The following SUPT7L variants were observed in gnomAD, a reference collection of about 807,000 sequenced individuals.
The protein encoded by SUPT7L is STAGA complex 65 subunit gamma.
SUPT7L carries 15 observed loss-of-function variants against 35.7 expected under a neutral mutation model. That is an observed-to-expected ratio of 0.42 (90% CI 0.28 to 0.65). The LOEUF (loss-of-function observed/expected upper bound fraction) is 0.65. Among genes scored for constraint, SUPT7L ranks in the 30% least tolerant of loss-of-function variants. SUPT7L has a pLI of 0.23. For missense variants in SUPT7L, 434 were observed against 522.2 expected (o/e 0.83, Z 1.65); for synonymous variants, 168 against 186.2 (o/e 0.90, Z 0.79).
chr2:27,657,262 C>T lies in SUPT7L; in HGVS notation c.744+83G>A, dbSNP rs908236414. 4 of 1,466,876 alleles carry T rather than the reference C, an allele frequency of 2.7e-6. No homozygotes were observed. The highest frequency in any genetic ancestry group is 3.7e-6 in the Non-Finnish European group (4 of 1,075,740). 90.9% of individuals were successfully genotyped at this position (1,466,876 alleles called of 1,614,324 possible). On this transcript the variant is annotated intron_variant, in intron 4 of 5. Coordinates refer to ENST00000337768, the MANE Select transcript of SUPT7L (RefSeq NM_014860.3). This position sits in a 1 kb window ranked among gnomAD's most constrained non-coding sequence, Gnocchi z 5.2. The stretch of plus-strand genomic sequence containing the variant: ...GTTCCAAGACTCTGTGCTCTGCACT[C>T]TAGACCAAGTGTTGTGGGATCCTGC...
chr2:27,657,740 G>T lies in SUPT7L; in HGVS notation c.420-71C>A. The T allele has an allele frequency of 3.5e-6, 5 of 1,418,174 alleles. No individual in the cohort carries two copies. Among genetic ancestry groups the T allele is most frequent in the East Asian group, 2.4e-5 (1 of 40,820 alleles). The allele number at this position is 1,418,174 out of a possible 1,614,324, so 87.8% of individuals were successfully genotyped here. A position where few individuals can be genotyped will look rare whatever the true frequency, so the allele number is the denominator to read the frequency against. ...GTGACCCCTCCTGTCTTCCCCAGGA[G>T]TTTTACAATTCCAGTCAAGCCACTG... On this transcript the variant is annotated intron_variant, in intron 3 of 5. Transcript: ENST00000337768. This position sits in a 1 kb window ranked among gnomAD's most constrained non-coding sequence, Gnocchi z 5.2.
chr2:27,642,958 TACACACACACAC>T, the SUPT7L span, among the ~76,000 whole-genome samples: 4 of 122,610 alleles, frequency 3.3e-5, no homozygotes, highest in South Asian at 2.8e-4. Flanking sequence ...TATATATATA[TACACACACACAC>T]ACACACACAC....
downstream of SUPT7L, chr2:27,647,996 A>G: frequency 3.0e-6 from 3 of 986,748 alleles, no homozygotes; most frequent in East Asian, 2.4e-5. Flanking sequence ...TTATCCTCAC[A>G]TTGTTTGCCC....
downstream of SUPT7L, among the ~76,000 whole-genome samples, chr2:27,647,204 G>C (rs961271638): frequency 1.3e-5 from 2 of 152,298 alleles, no homozygotes; most frequent in East Asian, 3.9e-4. Flanking sequence ...AGCCTCATAG[G>C]CTCCTGAAGA....
rs1013951255 is a variant in SUPT7L, at chr2:27,652,459, C to T, written c.*1026G>A. On this transcript the variant is annotated 3_prime_UTR_variant, in exon 6 of 6. Coordinates refer to ENST00000337768, the MANE Select transcript of SUPT7L (RefSeq NM_014860.3). ...ACCAAGGCATGAAGCAACACATTTG[C>T]TAATGATTCCTAATCACTACAGTGC... is the stretch of plus-strand genomic sequence containing the variant. 6.6e-6 allele frequency: 1 copy of T among 152,308 alleles called. No individual in the cohort carries two copies. The highest frequency in any genetic ancestry group is 1.5e-5 in the Non-Finnish European group (1 of 68,026). The allele number at this position is 152,308 out of a possible 1,614,324, so 9.4% of individuals were successfully genotyped here.
intron 5 of SUPT7L, among the ~76,000 whole-genome samples, chr2:27,654,574 T>G (rs944081158): frequency 2.0e-5 from 3 of 152,232 alleles, no homozygotes. Context: ...AAGCCCTATT[T>G]CTTTTTTTTT....
chr2:27,653,728 A>T lies in SUPT7L; in HGVS notation c.1002T>A (p.Ser334=), dbSNP rs745671454. 1.2e-6 allele frequency: 2 copies of T among 1,614,078 alleles called. No homozygotes were observed. The highest frequency in any genetic ancestry group is 1.3e-5 in the African/African-American group (1 of 74,910). ...TCACATGGGCCAGATTCCAAAGAGG[A>T]GAAGCATTTACCTCTGCACCTAGAA... is the stretch of plus-strand genomic sequence containing the variant. ...PQASSAEVNA[S]PLWNLAHVKM... The change falls in exon 6 of 6, where the codon TCT becomes TCA. Residue 334 remains serine, a synonymous_variant. Coordinates refer to ENST00000337768, the MANE Select transcript of SUPT7L (RefSeq NM_014860.3).
At position 27,657,685 on chromosome 2, in the gene SUPT7L, C is replaced by G; in HGVS notation, c.420-16G>C. ...CCCTTTCCCACTGAAAGTGGAGATA[C>G]GGTGGTGTTATTAATGTTCTTGCAA... On this transcript the variant is annotated splice_polypyrimidine_tract_variant and intron_variant, in intron 3 of 5. Coordinates refer to ENST00000337768, the MANE Select transcript of SUPT7L (RefSeq NM_014860.3). The surrounding 1 kb of genome is among the most constrained non-coding windows in gnomAD (Gnocchi z 5.2). The G allele has an allele frequency of 1.9e-6, 3 of 1,601,228 alleles. No individual in the cohort carries two copies. The highest frequency in any genetic ancestry group is 3.4e-5 in the Admixed American group (2 of 59,040).
chr2:27,657,559 C>G lies in SUPT7L; in HGVS notation c.530G>C (p.Ser177Thr), dbSNP rs200996052. 6.2e-7 allele frequency: 1 copy of G among 1,614,044 alleles called. No homozygotes were observed. The highest frequency in any genetic ancestry group is 8.5e-7 in the Non-Finnish European group (1 of 1,179,832). Reference protein sequence around the residue: ...AHAGFDCANESVLETLTDVAH... With the variant: ...AHAGFDCANETVLETLTDVAH... Reference sequence around the variant, plus strand: ...CACATCAGTTAGGGTCTCCAGGACACTCTCATTAGCACAGTCAAAGCCCGC... The same window carrying G: ...CACATCAGTTAGGGTCTCCAGGACAGTCTCATTAGCACAGTCAAAGCCCGC... Residue 177 changes from serine to threonine, a missense_variant, in exon 4 of 6, where the codon AGT (serine) becomes ACT (threonine). Coordinates refer to ENST00000337768, the MANE Select transcript of SUPT7L (RefSeq NM_014860.3). The surrounding 1 kb of genome is among the most constrained non-coding windows in gnomAD (Gnocchi z 5.2).
At chr2:27,653,831 C>T (rs1451798132) in intron 5 of SUPT7L, 84 bp from the exon 6 acceptor site, 15 of 1,518,178 alleles carry the variant, frequency 9.9e-6, no homozygotes, top group Non-Finnish European at 2.7e-6. Context: ...TCACTCAGAA[C>T]CAACTAATAT....
chr2:27,649,678 C>T (rs1054648175), downstream of SUPT7L, among the ~76,000 whole-genome samples: 1 of 152,040 alleles, frequency 6.6e-6, no homozygotes. Context: ...TGTAGTCTCT[C>T]CATGTTGTTG....
At chr2:27,648,973 G>A (rs1457938564), downstream of SUPT7L, among the ~76,000 whole-genome samples, 3 of 151,212 alleles carry the variant, frequency 2.0e-5, no homozygotes, top group Non-Finnish European at 3.0e-5. Flanking sequence ...GGCCGGGCAC[G>A]GTGGCTCACG....
chr2:27,649,277 AC>A (rs1315608550), downstream of SUPT7L, among the ~76,000 whole-genome samples: 13 of 151,138 alleles, frequency 8.6e-5, no homozygotes, highest in East Asian at 2.0e-4. Context: ...ACAAAAAAAC[AC>A]GAAAACCACC....
chr2:27,663,474 T>G lies in SUPT7L; in HGVS notation c.-235A>C. 5 of 376,396 alleles carry G rather than the reference T, an allele frequency of 1.3e-5. No individual in the cohort carries two copies. Among genetic ancestry groups the G allele is most frequent in the Non-Finnish European group, 1.5e-5 (3 of 200,338 alleles). The allele number at this position is 376,396 out of a possible 1,614,324, so 23.3% of individuals were successfully genotyped here. On this transcript the variant is annotated 5_prime_UTR_variant, in exon 1 of 6. Coordinates refer to ENST00000337768, the MANE Select transcript of SUPT7L (RefSeq NM_014860.3). ...TCAGGGCAGCCGGAAGACGGGGAGGTCTGGACCTGAACCGAGACAAGGAGG... is the reference window on the plus strand; with the variant it reads ...TCAGGGCAGCCGGAAGACGGGGAGGGCTGGACCTGAACCGAGACAAGGAGG...
rs758839917 is a variant in SUPT7L at position 27,657,447 on chromosome 2, A to C, written c.642T>G (p.Asp214Glu). 6.2e-7 allele frequency: 1 copy of C among 1,614,248 alleles called. No individual in the cohort carries two copies. The highest frequency in any genetic ancestry group is 8.5e-7 in the Non-Finnish European group (1 of 1,180,038). The change falls in exon 4 of 6, where the codon GAT becomes GAG. Residue 214 changes from aspartate (D) to glutamate (E), a missense_variant. By Grantham distance (45) the Asp-to-Glu change is conservative (BLOSUM62 2). This residue lies in a region of SUPT7L where 198 missense variants were observed against 190.8 expected (regional missense o/e 1.04). Transcript: ENST00000337768. This position sits in a 1 kb window ranked among gnomAD's most constrained non-coding sequence, Gnocchi z 5.2. ...EARLGQTPFP[D>E]VMEQVFHEVG... Reference sequence around the variant, plus strand: ...CTTCATGGAATACCTGCTCCATCACATCAGGAAAAGGAGTCTGTCCCAGCC... The same window carrying C: ...CTTCATGGAATACCTGCTCCATCACCTCAGGAAAAGGAGTCTGTCCCAGCC...
At position 27,657,968 on chromosome 2, in the gene SUPT7L, G is replaced by T. The variant is rs2091541; in HGVS notation, c.420-299C>A. On this transcript the variant is annotated intron_variant, in intron 3 of 5. Transcript: ENST00000337768. The surrounding 1 kb of genome is among the most constrained non-coding windows in gnomAD (Gnocchi z 5.2). ...TTCCTTCTAGCAACTGTTCAATTTT[G>T]ATCACTTTTAGGATTAAGTTTAACA... is the stretch of plus-strand genomic sequence containing the variant. Among the ~76,000 whole-genome samples, 5,290 of 152,250 alleles carry T rather than the reference G, an allele frequency of 0.035. 294 individuals are homozygous for T. The highest frequency in any genetic ancestry group is 0.12 in the African/African-American group (5,053 of 41,522).
chr2:27,642,950 T>TACACACAC, the SUPT7L span, among the ~76,000 whole-genome samples: 5 of 37,586 alleles, frequency 1.3e-4, no homozygotes, highest in African/African-American at 2.7e-4. Flanking sequence ...GTTTTATATA[T>TACACACAC]ATATATATAC....
At chr2:27,658,036 C>G (rs181850253) in intron 3 of SUPT7L, among the ~76,000 whole-genome samples, 7 of 152,238 alleles carry the variant, frequency 4.6e-5, no homozygotes, top group Admixed American at 2.0e-4. Flanking sequence ...ATTATTTTAC[C>G]ATAACCTAGT....
the SUPT7L span, among the ~76,000 whole-genome samples, chr2:27,642,950 T>TACACACACACACACACAC: frequency 1.3e-4 from 5 of 37,584 alleles, no homozygotes; most frequent in African/African-American, 2.7e-4. Flanking sequence ...GTTTTATATA[T>TACACACACACACACACAC]ATATATATAC....
Sources: gnomAD v4.1 joint callset for allele counts (sites outside exome capture counted in the v4.1 genomes callset) on GRCh38, gnomAD v4.1.1 for gene constraint, gnomAD v4.1.1 regional missense constraint, Gnocchi (gnomAD v3.1) non-coding constraint, MANE v1.5 for transcripts, NCBI Gene and HGNC (gene_info 2026-07-23, HGNC 2026-07-21) for gene names.